MID1: variants seen among roughly 807,000 people sequenced by gnomAD.
The protein encoded by MID1 is E3 ubiquitin-protein ligase Midline-1.
A neutral mutation model predicts 40.4 loss-of-function variants in MID1; 7 were observed. That is an observed-to-expected ratio of 0.17 (90% CI 0.10 to 0.33). MID1 has a LOEUF of 0.33. Among genes scored for constraint, MID1 ranks in the 10% least tolerant of loss-of-function variants. MID1 has a pLI of 1.00. For synonymous variants in MID1, 229 were observed against 221.2 expected, an observed-to-expected ratio of 1.04 and a Z score of -0.31; for missense variants, 367 against 558.5, an observed-to-expected ratio of 0.66 and a Z score of 3.46.
intron 1 of MID1, among the ~76,000 whole-genome samples, chrX:10,634,689 T>C (rs1280642204): frequency 2.7e-5 from 3 of 112,315 alleles, no homozygotes; most frequent in Non-Finnish European, 5.6e-5. Context: ...ACGTGCCGTG[T>C]TCAAGAGCGT....
At chrX:10,793,947 TC>T (rs2043951638) in intron 1 of MID1, among the ~76,000 whole-genome samples, 1 of 111,610 alleles carries the variant, frequency 9.0e-6, no homozygotes, top group Non-Finnish European at 1.9e-5. Context: ...TCTTCTTTCC[TC>T]CTCCCCTTCT....
chrX:10,506,577 G>C, intron 3 of MID1: 1 of 502,342 alleles, frequency 2.0e-6, no homozygotes, highest in East Asian at 3.6e-5. Flanking sequence ...ACTTCCCTTT[G>C]GAATTAGTTG....
intron 9 of MID1, among the ~76,000 whole-genome samples, chrX:10,451,030 A>C (rs1263671636): frequency 8.9e-6 from 1 of 112,142 alleles, no homozygotes; most frequent in East Asian, 2.8e-4. Flanking sequence ...CACTGGACTT[A>C]AAATACAATC....
chrX:10,734,188 C>T (rs955991380), intron 1 of MID1, among the ~76,000 whole-genome samples: 3 of 112,059 alleles, frequency 2.7e-5, no homozygotes, highest in African/African-American at 6.5e-5. Context: ...ACATACACAC[C>T]ATGGAATACT....
chrX:10,805,063 T>C (rs2044034277), intron 1 of MID1, among the ~76,000 whole-genome samples: 1 of 110,431 alleles, frequency 9.1e-6, no homozygotes, highest in Admixed American at 9.7e-5. Flanking sequence ...GTTGTTGTTG[T>C]TGTTAATTTT....
intron 1 of MID1, among the ~76,000 whole-genome samples, chrX:10,710,052 T>C (rs973267725): frequency 3.6e-5 from 4 of 111,876 alleles, no homozygotes; most frequent in African/African-American, 1.3e-4. Context: ...GGGAAGATTA[T>C]GTGTCTGGGG....
intron 1 of MID1, among the ~76,000 whole-genome samples, chrX:10,672,721 G>A (rs2042996222): frequency 9.0e-6 from 1 of 111,130 alleles, no homozygotes; most frequent in Non-Finnish European, 1.9e-5. Flanking sequence ...TTTTTTTTGA[G>A]ATGGGCAGGC....
At chrX:10,708,472 AGGGCAAAAAGAAAAGGGGAAATGAGG>A (rs1271359162) in intron 1 of MID1, among the ~76,000 whole-genome samples, 11 of 111,123 alleles carry the variant, frequency 9.9e-5, no homozygotes, top group African/African-American at 2.9e-4. Context: ...GATGGTTACC[AGGGCAAAAAGAAAAGGGGAAATGAGG>A]GGGCAAAAAG....
At chrX:10,643,673 A>C (rs1360151976) in intron 1 of MID1, among the ~76,000 whole-genome samples, 2 of 111,519 alleles carry the variant, frequency 1.8e-5, no homozygotes, top group East Asian at 5.6e-4. Flanking sequence ...CCAAAGGACT[A>C]TAAATCATGC....
chrX:10,487,050 G>A (rs1930653984), intron 4 of MID1, among the ~76,000 whole-genome samples: 1 of 111,249 alleles, frequency 9.0e-6, no homozygotes, highest in African/African-American at 3.3e-5. Context: ...TGTAGTGATG[G>A]GGAACCACTA....
At chrX:10,541,487 A>G (rs1474839232) in intron 2 of MID1, among the ~76,000 whole-genome samples, 1 of 111,426 alleles carries the variant, frequency 9.0e-6, no homozygotes, top group Non-Finnish European at 1.9e-5. Flanking sequence ...TTGATATTAC[A>G]TATAATTGAT....
chrX:10,574,750 C>T (rs1934827002), intron 1 of MID1, among the ~76,000 whole-genome samples: 1 of 112,505 alleles, frequency 8.9e-6, no homozygotes, highest in African/African-American at 3.2e-5. Context: ...CAGCCCCTCA[C>T]TTTGTACAAC....
intron 2 of MID1, among the ~76,000 whole-genome samples, chrX:10,531,293 A>G (rs1045296619): frequency 8.9e-6 from 1 of 112,397 alleles, no homozygotes; most frequent in African/African-American, 3.2e-5. Flanking sequence ...AGATGTTTTA[A>G]TTGCACTGCA....
chrX:10,591,589 A>T (rs1322479348), intron 1 of MID1, among the ~76,000 whole-genome samples: 1 of 111,613 alleles, frequency 9.0e-6, no homozygotes, highest in Non-Finnish European at 1.9e-5. Context: ...AGGGAGCTTT[A>T]TTGTGCCGGA....
chrX:10,737,161 G>A (rs1200436508), intron 1 of MID1, among the ~76,000 whole-genome samples: 1 of 112,282 alleles, frequency 8.9e-6, no homozygotes, highest in African/African-American at 3.2e-5. Context: ...AAGTTAGAAA[G>A]AGCTAATGAA....
At chrX:10,806,424 C>T (rs2044048672) in intron 1 of MID1, among the ~76,000 whole-genome samples, 1 of 111,953 alleles carries the variant, frequency 8.9e-6, no homozygotes. Flanking sequence ...ATTTGCTTGC[C>T]TGTGCAGTTT....
intron 1 of MID1, among the ~76,000 whole-genome samples, chrX:10,723,375 G>A (rs2043370275): frequency 8.9e-6 from 1 of 112,043 alleles, no homozygotes; most frequent in African/African-American, 3.2e-5. Flanking sequence ...CTATGAGGCT[G>A]AGCCCCCATA....
chrX:10,750,375 T>C (rs2043589154), intron 1 of MID1, among the ~76,000 whole-genome samples: 1 of 111,734 alleles, frequency 8.9e-6, no homozygotes, highest in Admixed American at 9.5e-5. Flanking sequence ...CTCATGCCTG[T>C]AACCCCAGCC....
At chrX:10,699,175 C>T (rs1346497152) in intron 1 of MID1, among the ~76,000 whole-genome samples, 2 of 111,013 alleles carry the variant, frequency 1.8e-5, no homozygotes, top group Non-Finnish European at 3.8e-5. Context: ...TTTGCAAGGC[C>T]CTGGTCACTG....
Sources: gnomAD v4.1 joint callset for allele counts (sites outside exome capture counted in the v4.1 genomes callset) on GRCh38, gnomAD v4.1.1 for gene constraint, MANE v1.5 for transcripts, NCBI Gene and HGNC (gene_info 2026-07-23, HGNC 2026-07-21) for gene names.